The following KCNH1 variants were observed in gnomAD, a reference collection of about 807,000 sequenced individuals.
KCNH1 encodes potassium voltage-gated channel subfamily H member 1.
KCNH1 carries 27 observed loss-of-function variants against 69.2 expected under a neutral mutation model. The observed-to-expected ratio is 0.39, with a 90% CI of 0.29 to 0.54. The LOEUF (loss-of-function observed/expected upper bound fraction) is 0.54, where lower values mean the gene tolerates loss of function less well. Ranked by LOEUF, KCNH1 falls within the 20% of genes least tolerant of loss-of-function variation. The pLI, the probability that KCNH1 is intolerant of heterozygous loss-of-function variation, is 0.68. For synonymous variants in KCNH1, 456 were observed against 487.7 expected, an observed-to-expected ratio of 0.93 and a Z score of 0.86; for missense variants, 798 against 1,261.6, an observed-to-expected ratio of 0.63 and a Z score of 5.57.
intron 7 of KCNH1, among the ~76,000 whole-genome samples, chr1:210,883,123 T>TG (rs1184247072): frequency 1.2e-4 from 18 of 152,002 alleles, no homozygotes. Flanking sequence ...GGTATGATGG[T>TG]GGGGGAGGGA....
chr1:210,689,901 G>A (rs1681492037), intron 10 of KCNH1, among the ~76,000 whole-genome samples: 1 of 152,224 alleles, frequency 6.6e-6, no homozygotes, highest in South Asian at 2.1e-4. Context: ...CCTGACCCAG[G>A]TCTGCTGACC....
chr1:210,758,421 A>T (rs1368609190), intron 10 of KCNH1, among the ~76,000 whole-genome samples: 1 of 152,176 alleles, frequency 6.6e-6, no homozygotes, highest in Admixed American at 6.5e-5. Context: ...AGCCAGAGAC[A>T]GCTTTTTGAC....
chr1:211,050,256 T>C (rs1300433091), intron 5 of KCNH1, among the ~76,000 whole-genome samples: 2 of 52,450 alleles, frequency 3.8e-5, no homozygotes, highest in Non-Finnish European at 7.5e-5. Flanking sequence ...AGCCCACACA[T>C]TCTTAAAAAA....
intron 6 of KCNH1, among the ~76,000 whole-genome samples, chr1:210,925,972 A>G (rs1687564499): frequency 1.3e-5 from 2 of 152,188 alleles, no homozygotes; most frequent in South Asian, 2.1e-4. Flanking sequence ...CAAAAACAGC[A>G]CACTCAATGA....
chr1:210,691,741 A>C (rs971781632), intron 10 of KCNH1, among the ~76,000 whole-genome samples: 2 of 152,246 alleles, frequency 1.3e-5, no homozygotes, highest in African/African-American at 4.8e-5. Flanking sequence ...TAAAGAGGGA[A>C]TGCCTCTCTA....
At chr1:210,758,676 G>A (rs528813278) in intron 10 of KCNH1, among the ~76,000 whole-genome samples, 5 of 152,314 alleles carry the variant, frequency 3.3e-5, no homozygotes, top group African/African-American at 9.6e-5. Context: ...GCCTGGAAAT[G>A]GACCTGGAGA....
intron 7 of KCNH1, among the ~76,000 whole-genome samples, chr1:210,868,188 T>A (rs1360066386): frequency 6.6e-6 from 1 of 152,096 alleles, no homozygotes; most frequent in African/African-American, 2.4e-5. Context: ...TTCAATTGCC[T>A]TTCCTTGATG....
chr1:211,045,067 A>G (rs75451738), intron 5 of KCNH1, among the ~76,000 whole-genome samples: 31,615 of 78,848 alleles, frequency 0.4, 5,364 homozygotes, highest in African/African-American at 0.43. Context: ...TATGAATAAT[A>G]GAATAGTGGT....
intron 2 of KCNH1, 80 bp downstream of exon 2, chr1:211,107,174 C>T: frequency 6.6e-7 from 1 of 1,521,422 alleles, no homozygotes; most frequent in Non-Finnish European, 9.0e-7. Flanking sequence ...AAAGGCAATT[C>T]CCGAATGCAG....
At chr1:211,003,542 G>A (rs557994051) in intron 6 of KCNH1, among the ~76,000 whole-genome samples, 16 of 151,998 alleles carry the variant, frequency 1.1e-4, no homozygotes, top group East Asian at 3.9e-4. Flanking sequence ...CTGCTGTTTC[G>A]TTATATCTTA....
At chr1:210,752,810 T>A (rs1472008886) in intron 10 of KCNH1, among the ~76,000 whole-genome samples, 1 of 152,096 alleles carries the variant, frequency 6.6e-6, no homozygotes, top group African/African-American at 2.4e-5. Context: ...TGTGACCTCA[T>A]TTGGAAATAA....
intron 7 of KCNH1, among the ~76,000 whole-genome samples, chr1:210,873,296 G>C (rs997631252): frequency 6.6e-6 from 1 of 152,152 alleles, no homozygotes; most frequent in Non-Finnish European, 1.5e-5. Flanking sequence ...GATTTGAAAT[G>C]TGCTTGAATA....
intron 10 of KCNH1, among the ~76,000 whole-genome samples, chr1:210,735,400 G>A (rs1330296443): frequency 6.9e-6 from 1 of 145,798 alleles, no homozygotes; most frequent in Admixed American, 7.1e-5. Flanking sequence ...AATGTTTGAT[G>A]TGTGAGTGAA....
intron 7 of KCNH1, among the ~76,000 whole-genome samples, chr1:210,906,161 C>T (rs1166805669): frequency 1.3e-5 from 2 of 152,220 alleles, no homozygotes; most frequent in African/African-American, 4.8e-5. Flanking sequence ...AGCATGTGAC[C>T]TCATGTGAGT....
chr1:211,048,026 C>T (rs968288192), intron 5 of KCNH1, among the ~76,000 whole-genome samples: 3 of 152,048 alleles, frequency 2.0e-5, no homozygotes, highest in African/African-American at 7.2e-5. Flanking sequence ...GGGCTAAGCA[C>T]ATGAATAGAC....
chr1:211,123,581 C>T (rs1191555596), intron 1 of KCNH1, among the ~76,000 whole-genome samples: 4 of 151,818 alleles, frequency 2.6e-5, no homozygotes, highest in Admixed American at 6.6e-5. Context: ...AGATGGAAGA[C>T]GGTGACAGAC....
At chr1:210,862,963 C>T (rs974214173) in intron 7 of KCNH1, among the ~76,000 whole-genome samples, 2 of 152,176 alleles carry the variant, frequency 1.3e-5, no homozygotes, top group Admixed American at 6.5e-5. Context: ...CAAATACTAA[C>T]TGTGATTTGC....
At chr1:210,745,849 C>T (rs1683138867) in intron 10 of KCNH1, among the ~76,000 whole-genome samples, 1 of 152,174 alleles carries the variant, frequency 6.6e-6, no homozygotes, top group South Asian at 2.1e-4. Flanking sequence ...CCAAGCAGCC[C>T]TCTTCTGGGA....
At chr1:210,979,504 T>A (rs1297811340) in intron 6 of KCNH1, among the ~76,000 whole-genome samples, 2 of 152,222 alleles carry the variant, frequency 1.3e-5, no homozygotes, top group African/African-American at 4.8e-5. Context: ...CGTTGAACAT[T>A]TTCTGGTTTA....
Sources: gnomAD v4.1 joint callset for allele counts (sites outside exome capture counted in the v4.1 genomes callset) on GRCh38, gnomAD v4.1.1 for gene constraint, MANE v1.5 for transcripts, NCBI Gene and HGNC (gene_info 2026-07-23, HGNC 2026-07-21) for gene names.